Variants in P3H2 observed in about 807,000 individuals in gnomAD.
P3H2 encodes leprecan-like 1.
A neutral mutation model predicts 87.0 loss-of-function variants in P3H2; 80 were observed. The observed-to-expected ratio is 0.92, with a 90% CI of 0.77 to 1.11. The LOEUF is 1.11. P3H2 is among the 50% of genes least tolerant of loss of function. The pLI is 0.00. For missense variants in P3H2, 1,001 were observed against 923.9 expected, an observed-to-expected ratio of 1.08 and a Z score of -1.08; for synonymous variants, 367 against 359.3, an observed-to-expected ratio of 1.02 and a Z score of -0.24.
At chr3:190,104,301 C>T (rs2030571) in intron 1 of P3H2, among the ~76,000 whole-genome samples, 13,962 of 152,020 alleles carry the variant, frequency 0.092, 990 homozygotes, top group African/African-American at 0.2. Context: ...GCAAAAACCA[C>T]GGCTCAATTC....
At chr3:190,004,539 C>T (rs1025447837) in intron 1 of P3H2, among the ~76,000 whole-genome samples, 2 of 151,914 alleles carry the variant, frequency 1.3e-5, no homozygotes, top group South Asian at 2.1e-4. Flanking sequence ...CCCGCCTCCA[C>T]GCCCGGCTAA....
At chr3:189,978,093 C>T (rs370887593) in intron 8 of P3H2, among the ~76,000 whole-genome samples, 6 of 152,172 alleles carry the variant, frequency 3.9e-5, no homozygotes, top group African/African-American at 1.4e-4. Context: ...AATGTTCCTT[C>T]AAGAAGAAAG....
At chr3:190,023,386 TTG>T (rs1724990103) in intron 1 of P3H2, among the ~76,000 whole-genome samples, 1 of 152,148 alleles carries the variant, frequency 6.6e-6, no homozygotes, top group South Asian at 2.1e-4. Context: ...AGAGGTTGAA[TTG>T]ACTCAAGAGT....
At chr3:190,087,405 G>A (rs1318938350) in intron 1 of P3H2, among the ~76,000 whole-genome samples, 2 of 151,850 alleles carry the variant, frequency 1.3e-5, no homozygotes, top group African/African-American at 4.8e-5. Flanking sequence ...TTAGCTGGGT[G>A]TGGTGGCGGG....
At chr3:190,099,322 A>T (rs1577323407) in intron 1 of P3H2, among the ~76,000 whole-genome samples, 1 of 152,226 alleles carries the variant, frequency 6.6e-6, no homozygotes, top group African/African-American at 2.4e-5. Context: ...CACAATGAGG[A>T]AAGACAATTA....
rs1723789279 is a variant in P3H2 at position 189,988,902 on chromosome 3, T to C, written c.955+5A>G. 1.2e-6 allele frequency: 2 copies of C among 1,613,906 alleles called. No individual in the cohort carries two copies. Among genetic ancestry groups the C allele is most frequent in the Non-Finnish European group, 1.7e-6 (2 of 1,179,968 alleles). ...AGAAGTCTTCACGGATGATCCACGC[T>C]TTACCTCGATAGTAGGCAAACTGTA... On this transcript the variant is annotated splice_donor_5th_base_variant and intron_variant, in intron 4 of 14. Coordinates refer to ENST00000319332, the MANE Select transcript of P3H2 (RefSeq NM_018192.4).
At chr3:190,066,631 T>C (rs1354476170) in intron 1 of P3H2, among the ~76,000 whole-genome samples, 1 of 151,896 alleles carries the variant, frequency 6.6e-6, no homozygotes, top group Non-Finnish European at 1.5e-5. Context: ...CCCAAAATCC[T>C]ATGGAAATAA....
At chr3:190,036,760 A>G (rs1399313877) in intron 1 of P3H2, among the ~76,000 whole-genome samples, 2 of 152,286 alleles carry the variant, frequency 1.3e-5, no homozygotes, top group East Asian at 1.9e-4. Context: ...GACAAAGACC[A>G]GGGACACCCT....
At chr3:190,065,779 C>A (rs1347432331) in intron 1 of P3H2, among the ~76,000 whole-genome samples, 1 of 152,088 alleles carries the variant, frequency 6.6e-6, no homozygotes, top group East Asian at 1.9e-4. Flanking sequence ...TTTCATCAGT[C>A]TCCCCTCCAA....
chr3:190,039,724 GA>G (rs781670088), intron 1 of P3H2, among the ~76,000 whole-genome samples: 1 of 152,160 alleles, frequency 6.6e-6, no homozygotes, highest in African/African-American at 2.4e-5. Context: ...AAGGTTTCCA[GA>G]ACGCATGAGG....
chr3:189,998,388 G>C (rs145711888), intron 1 of P3H2, among the ~76,000 whole-genome samples: 19 of 152,246 alleles, frequency 1.2e-4, no homozygotes, highest in African/African-American at 4.6e-4. Context: ...CTGACTTAGA[G>C]AATCTTTGTC....
intron 1 of P3H2, among the ~76,000 whole-genome samples, chr3:190,038,459 T>C (rs562400749): frequency 7.6e-6 from 1 of 131,738 alleles, no homozygotes; most frequent in African/African-American, 2.9e-5. Flanking sequence ...AACCTAGATA[T>C]TCAACAAGAA....
In P3H2 at chr3:189,972,958, G is replaced by C. The variant is rs1384962507; in HGVS notation, c.1615C>G (p.Arg539Gly). The C allele has an allele frequency of 6.2e-6, 10 of 1,613,492 alleles. No individual in the cohort carries two copies. The highest frequency in any genetic ancestry group is 2.2e-5 in the South Asian group (2 of 91,070). ...RLFYDISEKA[R>G]RIVESYFMLN... ...ATAAAATAAGATTCTACAATCCTTCGAGCCTTTTCGCTGATGTCATAAAAC... is the reference window on the plus strand; with the variant it reads ...ATAAAATAAGATTCTACAATCCTTCCAGCCTTTTCGCTGATGTCATAAAAC... The change falls in exon 11 of 15, where the codon CGA (arginine) becomes GGA (glycine). Residue 539 changes from arginine (R) to glycine (G), a missense_variant. Transcript: ENST00000319332.
chr3:190,047,487 G>T (rs1725843078), intron 1 of P3H2, among the ~76,000 whole-genome samples: 1 of 152,176 alleles, frequency 6.6e-6, no homozygotes, highest in African/African-American at 2.4e-5. Flanking sequence ...CAACCTAAGT[G>T]TCCATCAATG....
intron 3 of P3H2, among the ~76,000 whole-genome samples, chr3:189,993,841 A>G (rs1229778819): frequency 6.6e-6 from 1 of 152,108 alleles, no homozygotes; most frequent in Non-Finnish European, 1.5e-5. Context: ...GTATTGTCCT[A>G]TTTTATAAAA....
chr3:190,099,855 T>C (rs1247033867), intron 1 of P3H2, among the ~76,000 whole-genome samples: 1 of 152,182 alleles, frequency 6.6e-6, no homozygotes, highest in Non-Finnish European at 1.5e-5. Flanking sequence ...AATACCTTTA[T>C]CTAAGAGGAA....
At chr3:190,103,516 G>A (rs1262244620) in intron 1 of P3H2, among the ~76,000 whole-genome samples, 1 of 152,146 alleles carries the variant, frequency 6.6e-6, no homozygotes, top group East Asian at 1.9e-4. Flanking sequence ...TATTGGGAAA[G>A]TGGACCAGGA....
chr3:190,075,703 G>C (rs1430157095), intron 1 of P3H2, among the ~76,000 whole-genome samples: 1 of 152,032 alleles, frequency 6.6e-6, no homozygotes, highest in East Asian at 1.9e-4. Context: ...GAAACATCAA[G>C]AAAGAGAGAA....
At chr3:190,023,602 C>A (rs1382911743) in intron 1 of P3H2, among the ~76,000 whole-genome samples, 1 of 152,188 alleles carries the variant, frequency 6.6e-6, no homozygotes, top group Admixed American at 6.5e-5. Context: ...ATTACCTCCA[C>A]CTGGTCTCTC....
Sources: allele counts gnomAD v4.1 joint callset (sites outside exome capture counted in the v4.1 genomes callset), GRCh38; gene constraint gnomAD v4.1.1; transcripts MANE v1.5; gene names NCBI Gene and HGNC (gene_info 2026-07-23, HGNC 2026-07-21).